HK2: variants seen among roughly 807,000 people sequenced by gnomAD.
The protein encoded by HK2 is hexokinase 2, also known as hexokinase-2.
Under a neutral mutation model 92.9 loss-of-function variants are expected in HK2, and 42 were observed. The observed-to-expected ratio is 0.45, with a 90% CI of 0.35 to 0.58. The LOEUF is 0.58. Ranked by LOEUF, HK2 falls within the 20% of genes least tolerant of loss-of-function variation. The pLI, the probability that HK2 is intolerant of heterozygous loss-of-function variation, is 0.00. For missense variants in HK2, 978 were observed against 1,245.1 expected (o/e 0.79, Z 3.23); for synonymous variants, 422 against 468.0 (o/e 0.90, Z 1.27).
Position 74,890,917 on chromosome 2 carries a change from C to T in HK2, c.2730C>T (p.Arg910=). 1 of 1,614,208 alleles carries T rather than the reference C, an allele frequency of 6.2e-7. No individual in the cohort carries two copies. The highest frequency in any genetic ancestry group is 8.5e-7 in the Non-Finnish European group (1 of 1,180,044). Reference sequence around the variant, plus strand: ...CGCTCATCACTGCTGTGGCCTGCCGCATCCGTGAGGCTGGACAGCGATAGA... The same window carrying T: ...CGCTCATCACTGCTGTGGCCTGCCGTATCCGTGAGGCTGGACAGCGATAGA... ...GAALITAVAC[R]IREAGQR is the part of the protein sequence containing the mutation. Residue 910 remains arginine (R), a synonymous_variant, in exon 18 of 18, where the codon CGC becomes CGT. Transcript: ENST00000290573.
intron 3 of HK2, 101 bp from the exon 4 acceptor site, chr2:74,872,199 T>C: frequency 8.3e-7 from 1 of 1,208,766 alleles, no homozygotes; most frequent in East Asian, 2.4e-5. Flanking sequence ...ATATGGGTTT[T>C]GCACACATTC....
intron 1 of HK2, among the ~76,000 whole-genome samples, chr2:74,840,131 T>C (rs1322412733): frequency 6.6e-6 from 1 of 151,740 alleles, no homozygotes; most frequent in African/African-American, 2.4e-5. Flanking sequence ...AATTTTTTTA[T>C]ATCTTTAGTA....
Position 74,882,152 on chromosome 2 carries a change from C to CCA in HK2, c.1752_1753insCA (p.Phe585HisfsTer8). 6.2e-7 allele frequency: 1 copy of CCA among 1,614,244 alleles called. No individual in the cohort carries two copies. The highest frequency in any genetic ancestry group is 8.5e-7 in the Non-Finnish European group (1 of 1,180,038). ...ACCACATTGTCCAGTGCATCGCGGA[C>CCA]TTCCTCGAGTACATGGGCATGAAGG... On this transcript the variant is annotated frameshift_variant, in exon 12 of 18. Transcript: ENST00000290573. LOFTEE classifies it high-confidence loss of function.
rs764447960 is a variant in HK2 at position 74,878,842 on chromosome 2, C to T, written c.1186C>T (p.Arg396Cys). ...CAATLAAVLQ[R>C]IKENKGEERL... ...AGCCACCCTGGCCGCCGTGCTGCAG[C>T]GCATCAAGGAGAACAAAGGCGAGGA... Residue 396 changes from arginine (R) to cysteine (C), a missense_variant, in exon 9 of 18, where the codon CGC becomes TGC. Arg to Cys is a radical substitution (Grantham distance 180). Transcript: ENST00000290573. The T allele has an allele frequency of 9.0e-6, 14 of 1,555,494 alleles. No homozygotes were observed. The highest frequency in any genetic ancestry group is 3.9e-5 in the Admixed American group (2 of 51,550).
intron 1 of HK2, among the ~76,000 whole-genome samples, chr2:74,841,619 A>G (rs1688317615): frequency 6.6e-6 from 1 of 152,258 alleles, no homozygotes; most frequent in Non-Finnish European, 1.5e-5. Flanking sequence ...CGAACTTAAG[A>G]TGAGGTCTAC....
chr2:74,856,666 C>A (rs992736075), intron 2 of HK2, among the ~76,000 whole-genome samples: 6 of 152,142 alleles, frequency 3.9e-5, no homozygotes, highest in Non-Finnish European at 8.8e-5. Flanking sequence ...TTTTCAAAAA[C>A]CTTTATGGTA....
In HK2 at chr2:74,877,160, C is replaced by T. The variant is rs373294336; in HGVS notation, c.876-6C>T. On this transcript the variant is annotated splice_polypyrimidine_tract_variant and splice_region_variant and intron_variant, in intron 7 of 17. Transcript: ENST00000290573. ...CTTTATGTTTTTGGTTTGTGTCTTCCGGCAGGTTTGAGAAGATGATCAGTG... is the reference window on the plus strand; with the variant it reads ...CTTTATGTTTTTGGTTTGTGTCTTCTGGCAGGTTTGAGAAGATGATCAGTG... 29 of 1,613,770 alleles carry T rather than the reference C, an allele frequency of 1.8e-5. No individual in the cohort carries two copies. The highest frequency in any genetic ancestry group is 4.0e-5 in the African/African-American group (3 of 75,020).
chr2:74,886,762 C>T (rs776010789), intron 15 of HK2, 89 bp downstream of exon 15: 294 of 1,326,264 alleles, frequency 2.2e-4, no homozygotes, highest in African/African-American at 6.6e-4. Context: ...TCTCCCAGGA[C>T]GCCGGTTCTC....
chr2:74,886,530 C>T lies in HK2; in HGVS notation c.2076C>T (p.Asn692=), dbSNP rs2229626. 0.44 allele frequency: 717,196 copies of T among 1,613,624 alleles called. 162,986 individuals are homozygous for T. Among genetic ancestry groups the T allele is most frequent in the African/African-American group, 0.71 (52,961 of 74,856 alleles). ...CCTGCTACATGGAGGAGATGCGCAACGTGGAACTGGTGGAAGGAGAAGAGG... is the reference window on the plus strand; with the variant it reads ...CCTGCTACATGGAGGAGATGCGCAATGTGGAACTGGTGGAAGGAGAAGAGG... The part of the protein sequence containing the change: ...SNACYMEEMR[N]VELVEGEEGR... The change falls in exon 15 of 18, where the codon AAC becomes AAT. Residue 692 remains asparagine, a synonymous_variant. Transcript: ENST00000290573.
At chr2:74,848,284 A>G (rs2103862055) in intron 1 of HK2, among the ~76,000 whole-genome samples, 1 of 152,234 alleles carries the variant, frequency 6.6e-6, no homozygotes, top group East Asian at 1.9e-4. Flanking sequence ...GATCTATAAT[A>G]TGAGCCAGCT....
chr2:74,836,241 A>G (rs1688161990), intron 1 of HK2, among the ~76,000 whole-genome samples: 1 of 152,232 alleles, frequency 6.6e-6, no homozygotes, highest in South Asian at 2.1e-4. Context: ...GTATTACCCC[A>G]GGACATTTGA....
At chr2:74,884,994 A>C (rs1343669582) in intron 12 of HK2, among the ~76,000 whole-genome samples, 1 of 152,228 alleles carries the variant, frequency 6.6e-6, no homozygotes, top group East Asian at 1.9e-4. Flanking sequence ...TTTGAAAATT[A>C]GGAGACATAC....
At position 74,886,368 on chromosome 2, in the gene HK2, T is replaced by C. The variant is rs778994516; in HGVS notation, c.2010T>C (p.Pro670=). The C allele has an allele frequency of 1.2e-6, 2 of 1,614,022 alleles. No homozygotes were observed. Among genetic ancestry groups the C allele is most frequent in the African/African-American group, 2.7e-5 (2 of 74,918 alleles). The change falls in exon 14 of 18, where the codon CCT becomes CCC. Residue 670 remains proline, a synonymous_variant. Transcript: ENST00000290573. The part of the protein sequence containing the change: ...GTMMTCGFED[P]HCEVGLIVGT... Reference sequence around the variant, plus strand: ...TGATGACCTGTGGCTTTGAAGACCCTCACTGTGAAGTTGGCCTCATTGTTG... The same window carrying C: ...TGATGACCTGTGGCTTTGAAGACCCCCACTGTGAAGTTGGCCTCATTGTTG...
intron 7 of HK2, among the ~76,000 whole-genome samples, chr2:74,875,365 G>C (rs140383535): frequency 0.013 from 1,524 of 121,158 alleles, 26 homozygotes; most frequent in African/African-American, 0.044. Context: ...GTCTCTCTCT[G>C]TTGCCCAGGC....
At chr2:74,861,089 G>A (rs1688814869) in intron 2 of HK2, among the ~76,000 whole-genome samples, 1 of 152,140 alleles carries the variant, frequency 6.6e-6, no homozygotes, top group South Asian at 2.1e-4. Context: ...ACACATAGGG[G>A]CCACACATAG....
intron 16 of HK2, among the ~76,000 whole-genome samples, chr2:74,888,612 G>C (rs2104020919): frequency 6.6e-6 from 1 of 152,362 alleles, no homozygotes; most frequent in South Asian, 2.1e-4. Flanking sequence ...TCTCAGGGCA[G>C]AGAAGAACAG....
chr2:74,876,939 T>G (rs28363012), intron 7 of HK2, among the ~76,000 whole-genome samples: 1 of 152,208 alleles, frequency 6.6e-6, no homozygotes, highest in East Asian at 1.9e-4. Flanking sequence ...TTTGGCTGCT[T>G]AAGTTTCATT....
chr2:74,860,290 A>G (rs555744012), intron 2 of HK2, among the ~76,000 whole-genome samples: 12 of 152,308 alleles, frequency 7.9e-5, no homozygotes, highest in African/African-American at 2.4e-4. Context: ...ACCATTGTGC[A>G]GTATATCCAT....
intron 2 of HK2, among the ~76,000 whole-genome samples, chr2:74,862,975 T>G (rs1688865661): frequency 6.6e-6 from 1 of 152,198 alleles, no homozygotes; most frequent in Admixed American, 6.5e-5. Context: ...CTAATGCATG[T>G]TAGAGTGGGA....
Sources: gnomAD v4.1 joint callset for allele counts (sites outside exome capture counted in the v4.1 genomes callset) on GRCh38, gnomAD v4.1.1 for gene constraint, MANE v1.5 for transcripts, NCBI Gene and HGNC (gene_info 2026-07-23, HGNC 2026-07-21) for gene names.